The following NIPSNAP3B variants were observed in gnomAD, a reference collection of about 807,000 sequenced individuals.
NIPSNAP3B encodes the protein nipsnap homolog 3B.
NIPSNAP3B carries 30 observed loss-of-function variants against 31.5 expected under a neutral mutation model. The ratio of observed to expected loss-of-function variants is 0.95; its 90% confidence interval spans 0.71 to 1.29. The LOEUF (loss-of-function observed/expected upper bound fraction) is 1.29, where lower values mean the gene tolerates loss of function less well. Ranked by LOEUF, NIPSNAP3B falls within the 50% of genes most tolerant of loss-of-function variation. The pLI is 0.00. For missense variants in NIPSNAP3B, 269 were observed against 300.7 expected, an observed-to-expected ratio of 0.89 and a Z score of 0.78; for synonymous variants, 106 against 107.9, an observed-to-expected ratio of 0.98 and a Z score of 0.11.
chr9:104,766,300 T>C (rs1369670180), intron 1 of NIPSNAP3B, 25 bp from the exon 2 acceptor site: 11 of 1,594,064 alleles, frequency 6.9e-6, no homozygotes, highest in African/African-American at 2.7e-5. Context: ...TCCCAAGATA[T>C]TTACATTTGT....
the NIPSNAP3B span, chr9:104,786,499 C>G: frequency 1.0e-6 from 1 of 980,274 alleles, no homozygotes; most frequent in Non-Finnish European, 1.6e-6. Context: ...TATTCTGTTA[C>G]AAGTACATGT....
the NIPSNAP3B span, chr9:104,788,103 T>C: frequency 6.3e-7 from 1 of 1,576,704 alleles, no homozygotes; most frequent in Non-Finnish European, 8.7e-7. Context: ...GGGAATTTTA[T>C]CATGCTGTCC....
chr9:104,786,578 T>C, the NIPSNAP3B span, among the ~76,000 whole-genome samples: 2 of 152,180 alleles, frequency 1.3e-5, no homozygotes, highest in African/African-American at 4.8e-5. Context: ...ATAATCCAAA[T>C]GTCTACAAAA....
downstream of NIPSNAP3B, among the ~76,000 whole-genome samples, chr9:104,780,287 C>T (rs1286235293): frequency 5.3e-5 from 8 of 152,102 alleles, no homozygotes; most frequent in African/African-American, 1.7e-4. Context: ...AGATCTGTGC[C>T]ACAGGAAAAG....
the NIPSNAP3B span, among the ~76,000 whole-genome samples, chr9:104,789,553 T>C: frequency 6.6e-6 from 1 of 152,222 alleles, no homozygotes; most frequent in Non-Finnish European, 1.5e-5. Flanking sequence ...TGTTCATTAG[T>C]GGTTTGGGAA....
chr9:104,773,232 T>A lies in NIPSNAP3B; in HGVS notation c.*159T>A, dbSNP rs190445720. 5 of 659,836 alleles carry A rather than the reference T, an allele frequency of 7.6e-6. No individual in the cohort carries two copies. The highest frequency in any genetic ancestry group is 2.8e-5 in the Admixed American group (1 of 35,650). 40.9% of individuals were successfully genotyped at this position (659,836 alleles called of 1,614,324 possible). On this transcript the variant is annotated 3_prime_UTR_variant, in exon 6 of 6. Coordinates refer to ENST00000374762, the MANE Select transcript of NIPSNAP3B (RefSeq NM_018376.4). ...TTGCATTTTTGAAAGTTACATATTC[T>A]CCACTGCTTTAAGAAATAATTCAGT...
chr9:104,772,704 A>G lies in NIPSNAP3B; in HGVS notation c.581-118A>G, dbSNP rs574802533. The G allele has an allele frequency of 4.5e-5, 55 of 1,214,326 alleles. No individual in the cohort carries two copies. In the African/African-American group the frequency reaches 8.2e-4, roughly 18 times the overall value. 75.2% of individuals were successfully genotyped at this position (1,214,326 alleles called of 1,614,324 possible). A position where few individuals can be genotyped will look rare whatever the true frequency, so the allele number is the denominator to read the frequency against. On this transcript the variant is annotated intron_variant, in intron 4 of 5. Transcript: ENST00000374762. ...CTGAAATCTTATAACTAACATATTT[A>G]GTTTTACCTTTTGATTTTGATTTAA...
the NIPSNAP3B span, among the ~76,000 whole-genome samples, chr9:104,786,644 A>T: frequency 6.6e-6 from 1 of 152,244 alleles, no homozygotes; most frequent in African/African-American, 2.4e-5. Context: ...GCTATAAGAA[A>T]TGACACCTAA....
At chr9:104,788,176 C>T in the NIPSNAP3B span, 1 of 1,270,362 alleles carries the variant, frequency 7.9e-7, no homozygotes, top group African/African-American at 1.5e-5. Context: ...CATAACCTGA[C>T]AACTGGTGAG....
At chr9:104,764,525 G>A (rs1828050167) in intron 1 of NIPSNAP3B, among the ~76,000 whole-genome samples, 1 of 152,196 alleles carries the variant, frequency 6.6e-6, no homozygotes, top group South Asian at 2.1e-4. Context: ...CTAACTGGAT[G>A]CCAGTGTTTT....
chr9:104,778,848 A>G (rs560357421), downstream of NIPSNAP3B, among the ~76,000 whole-genome samples: 1 of 152,280 alleles, frequency 6.6e-6, no homozygotes, highest in South Asian at 2.1e-4. Flanking sequence ...TCACACCACT[A>G]CTGTTTAAAA....
In NIPSNAP3B at chr9:104,776,875, A is replaced by T. The variant is rs1474866349; in HGVS notation, c.*3802A>T. Among the ~76,000 whole-genome samples the T allele has an allele frequency of 6.6e-6, 1 of 152,220 alleles. No homozygotes were observed. Among genetic ancestry groups the T allele is most frequent in the Non-Finnish European group, 1.5e-5 (1 of 68,032 alleles). On this transcript the variant is annotated 3_prime_UTR_variant, in exon 6 of 6. Transcript: ENST00000374762. ...TACTTGTTGACTGAATTAACATATGAGATCTGTGAGTCTGAAAAAAGAAGT... is the reference window on the plus strand; with the variant it reads ...TACTTGTTGACTGAATTAACATATGTGATCTGTGAGTCTGAAAAAAGAAGT...
the NIPSNAP3B span, among the ~76,000 whole-genome samples, chr9:104,788,990 A>G: frequency 1.3e-5 from 2 of 152,208 alleles, no homozygotes; most frequent in African/African-American, 4.8e-5. Flanking sequence ...GCAACACAGA[A>G]CCTAGAGACA....
At position 104,774,288 on chromosome 9, in the gene NIPSNAP3B, G is replaced by A. The variant is rs540222614; in HGVS notation, c.*1215G>A. 1.2e-4 allele frequency among the ~76,000 whole-genome samples: 18 copies of A among 152,114 alleles called. No individual in the cohort carries two copies. Among genetic ancestry groups the A allele is most frequent in the African/African-American group, 2.7e-4 (11 of 41,410 alleles). ...TCCTCTCATTTATCAGGCTCTAAGC[G>A]ATCTGCAGTTTATCTGGGCTATTAT... On this transcript the variant is annotated 3_prime_UTR_variant, in exon 6 of 6. Coordinates refer to ENST00000374762, the MANE Select transcript of NIPSNAP3B (RefSeq NM_018376.4).
Position 104,775,181 on chromosome 9 carries a change from T to G in NIPSNAP3B, c.*2108T>G, listed in dbSNP as rs1301594097. On this transcript the variant is annotated 3_prime_UTR_variant, in exon 6 of 6. Transcript: ENST00000374762. ...TCTCCTCAGCATATAAATATACTTT[T>G]TTTTCCTATCTTTAAAAAAAAAAAA... 6.6e-6 allele frequency among the ~76,000 whole-genome samples: 1 copy of G among 151,602 alleles called. No individual in the cohort carries two copies. The highest frequency in any genetic ancestry group is 2.4e-5 in the African/African-American group (1 of 41,242).
chr9:104,764,718 T>C (rs897865063), intron 1 of NIPSNAP3B, among the ~76,000 whole-genome samples: 16 of 152,090 alleles, frequency 1.1e-4, no homozygotes, highest in African/African-American at 2.9e-4. Flanking sequence ...TTTTTTTGTG[T>C]TTACTATTTA....
chr9:104,774,669 A>C lies in NIPSNAP3B; in HGVS notation c.*1596A>C, dbSNP rs1020522681. ...CTTAAAGGCTTCCCCGGTTTAAGCA[A>C]AAATAGAATTATGTGGTTTAAATCA... On this transcript the variant is annotated 3_prime_UTR_variant, in exon 6 of 6. Coordinates refer to ENST00000374762, the MANE Select transcript of NIPSNAP3B (RefSeq NM_018376.4). Among the ~76,000 whole-genome samples, 1 of 152,174 alleles carries C rather than the reference A, an allele frequency of 6.6e-6. No homozygotes were observed. The highest frequency in any genetic ancestry group is 1.5e-5 in the Non-Finnish European group (1 of 68,034).
In NIPSNAP3B at chr9:104,775,152, T is replaced by C. The variant is rs1828307488; in HGVS notation, c.*2079T>C. Among the ~76,000 whole-genome samples the C allele has an allele frequency of 6.6e-6, 1 of 151,866 alleles. No individual in the cohort carries two copies. The highest frequency in any genetic ancestry group is 6.6e-5 in the Admixed American group (1 of 15,218). On this transcript the variant is annotated 3_prime_UTR_variant, in exon 6 of 6. Transcript: ENST00000374762. The stretch of plus-strand genomic sequence containing the variant: ...GCCACAGTATTCCCCTTCAACTGGA[T>C]TCTTCTCCTCAGCATATAAATATAC...
At chr9:104,764,821 C>T (rs1473315331) in intron 1 of NIPSNAP3B, among the ~76,000 whole-genome samples, 1 of 152,158 alleles carries the variant, frequency 6.6e-6, no homozygotes, top group Admixed American at 6.5e-5. Flanking sequence ...TGCTGGATTG[C>T]AGGCATGAGC....
Sources: gnomAD v4.1 joint callset for allele counts (sites outside exome capture counted in the v4.1 genomes callset) on GRCh38, gnomAD v4.1.1 for gene constraint, MANE v1.5 for transcripts, NCBI Gene and HGNC (gene_info 2026-07-23, HGNC 2026-07-21) for gene names.